RARRES1: variants seen among roughly 807,000 people sequenced by gnomAD.
The protein encoded by RARRES1 is retinoic acid receptor responder 1.
In RARRES1, 34 loss-of-function variants were observed where a neutral mutation model predicts 30.6. The observed-to-expected ratio is 1.11, with a 90% CI of 0.84 to 1.48. RARRES1 has a LOEUF of 1.48. Ranked by LOEUF, RARRES1 falls within the 40% of genes most tolerant of loss-of-function variation. The pLI is 0.00. For missense variants in RARRES1, 373 were observed against 386.5 expected (o/e 0.97, Z 0.29); for synonymous variants, 153 against 155.5 (o/e 0.98, Z 0.12).
rs367969956 is a variant in RARRES1 at position 158,713,811 on chromosome 3, G to A, written c.325C>T (p.Arg109Cys). ...CKVHVVFSTE[R>C]YNPESLLQEG... ...TGGCAGCTTACCTCTGGGTTGTAGC[G>A]CTCTGTGCTGAAGACCACGTGAACT... The change falls in exon 2 of 6, where the codon CGC becomes TGC. Residue 109 changes from arginine to cysteine, a missense_variant. Transcript: ENST00000237696. The A allele has an allele frequency of 2.2e-5, 35 of 1,613,752 alleles. No individual in the cohort carries two copies. The highest frequency in any genetic ancestry group is 1.7e-4 in the African/African-American group (13 of 74,896).
chr3:158,709,512 A>G (rs912666497), intron 3 of RARRES1, among the ~76,000 whole-genome samples: 5 of 152,212 alleles, frequency 3.3e-5, no homozygotes, highest in African/African-American at 1.2e-4. Flanking sequence ...TTGTCAGAGA[A>G]CTATCATGTG....
At chr3:158,728,662 T>C in intron 1 of RARRES1, among the ~76,000 whole-genome samples, 1 of 151,998 alleles carries the variant, frequency 6.6e-6, no homozygotes. Context: ...TAGCTGGGAT[T>C]ATAGACACGC....
intron 1 of RARRES1, among the ~76,000 whole-genome samples, chr3:158,725,950 T>G (rs749318388): frequency 1.3e-5 from 2 of 152,224 alleles, no homozygotes; most frequent in African/African-American, 4.8e-5. Context: ...AGAATTGTTA[T>G]GTTTCATCCT....
intron 4 of RARRES1, among the ~76,000 whole-genome samples, chr3:158,704,032 C>A (rs1268071314): frequency 6.6e-6 from 1 of 151,942 alleles, no homozygotes; most frequent in East Asian, 1.9e-4. Context: ...AAAACTGTGT[C>A]CTTCTAGTTA....
chr3:158,700,732 C>T (rs1302031872), intron 4 of RARRES1, among the ~76,000 whole-genome samples: 1 of 152,178 alleles, frequency 6.6e-6, no homozygotes, highest in Non-Finnish European at 1.5e-5. Flanking sequence ...ATCTTTTTGG[C>T]TTCAATTCAG....
intron 1 of RARRES1, 133 bp downstream of exon 1, chr3:158,732,007 C>G: frequency 1.1e-6 from 1 of 947,768 alleles, no homozygotes; most frequent in Non-Finnish European, 1.4e-6. Context: ...GGGATCTCCC[C>G]GGGCGTCGTG....
At chr3:158,713,676 ACAGAT>A in intron 2 of RARRES1, 116 bp downstream of exon 2, 1 of 932,770 alleles carries the variant, frequency 1.1e-6, no homozygotes, top group Non-Finnish European at 1.6e-6. Context: ...CAAATAGGAA[ACAGAT>A]CAGGAAAAAA....
intron 1 of RARRES1, among the ~76,000 whole-genome samples, chr3:158,718,151 T>C (rs113804726): frequency 7.2e-5 from 11 of 152,160 alleles, no homozygotes; most frequent in African/African-American, 2.4e-4. Context: ...GCTAATTTTT[T>C]GTATTTTTAG....
intron 3 of RARRES1, among the ~76,000 whole-genome samples, 191 bp from the exon 4 acceptor site, chr3:158,705,118 C>A (rs147477011): frequency 6.2e-4 from 95 of 152,264 alleles, no homozygotes; most frequent in African/African-American, 2.2e-3. Context: ...CTTCAACTTG[C>A]CAAACTGAGT....
intron 1 of RARRES1, among the ~76,000 whole-genome samples, chr3:158,721,652 T>C (rs138830852): frequency 7.4e-4 from 113 of 152,326 alleles, no homozygotes; most frequent in African/African-American, 2.7e-3. Context: ...GAGTGTTCTT[T>C]CAAAGTGTGG....
intron 1 of RARRES1, among the ~76,000 whole-genome samples, chr3:158,730,329 A>C (rs1294109278): frequency 2.1e-5 from 3 of 146,194 alleles, no homozygotes; most frequent in African/African-American, 7.7e-5. Flanking sequence ...CAAAAAAAAA[A>C]AAAAAAAAAC....
chr3:158,704,152 C>T (rs1726829330), intron 4 of RARRES1, among the ~76,000 whole-genome samples: 1 of 151,794 alleles, frequency 6.6e-6, no homozygotes, highest in Non-Finnish European at 1.5e-5. Context: ...TCTCTCCAGC[C>T]CCATTGCCAC....
intron 1 of RARRES1, among the ~76,000 whole-genome samples, chr3:158,731,564 A>G (rs767579561): frequency 3.0e-4 from 45 of 152,246 alleles, no homozygotes; most frequent in Admixed American, 5.9e-4. Flanking sequence ...AGATCAAATC[A>G]GACGCCAGCA....
At position 158,728,032 on chromosome 3, in the gene RARRES1, C is replaced by T. The variant is rs1036185789; in HGVS notation, c.276+4108G>A. Among the ~76,000 whole-genome samples, 6 of 152,312 alleles carry T rather than the reference C, an allele frequency of 3.9e-5. No homozygotes were observed. The South Asian group carries it at 1.2e-3, about 32-fold the overall frequency. ...AAAGAATTTCAGCGCGAGAAGAGGT[C>T]TTAAACATCATTTAGTCTAAAGGCT... On this transcript the variant is annotated intron_variant, in intron 1 of 5. Coordinates refer to ENST00000237696, the MANE Select transcript of RARRES1 (RefSeq NM_206963.2).
chr3:158,699,463 C>A (rs996145106), intron 4 of RARRES1, among the ~76,000 whole-genome samples: 1 of 144,568 alleles, frequency 6.9e-6, no homozygotes, highest in Admixed American at 6.9e-5. Context: ...AGTTTAGACT[C>A]CCCTTTGCCT....
rs1559866345 is a variant in RARRES1, at chr3:158,697,793, TACCAG to T, written c.765_769del (p.Trp256ProfsTer6). ...CTTCACTTTAAGAGGTTTGCCAGGG[TACCAG>T]ACCAAGTGAATGCGACAGGGAATTA... On this transcript the variant is annotated frameshift_variant, in exon 6 of 6. Coordinates refer to ENST00000237696, the MANE Select transcript of RARRES1 (RefSeq NM_206963.2). LOFTEE classifies it high-confidence loss of function. The T allele has an allele frequency of 6.2e-7, 1 of 1,611,456 alleles. No homozygotes were observed. Among genetic ancestry groups the T allele is most frequent in the Non-Finnish European group, 8.5e-7 (1 of 1,177,696 alleles).
intron 3 of RARRES1, among the ~76,000 whole-genome samples, chr3:158,710,203 GGAGT>G (rs1415148280): frequency 7.0e-6 from 1 of 142,852 alleles, no homozygotes; most frequent in African/African-American, 2.8e-5. Flanking sequence ...TGGAAAATGA[GGAGT>G]TTTTTTTTTT....
intron 3 of RARRES1, among the ~76,000 whole-genome samples, chr3:158,709,246 A>C (rs562934431): frequency 1.3e-5 from 2 of 152,226 alleles, no homozygotes; most frequent in Non-Finnish European, 2.9e-5. Context: ...ACTATTAAAG[A>C]GTGTCTAAAG....
intron 1 of RARRES1, among the ~76,000 whole-genome samples, chr3:158,719,956 G>A (rs1727450272): frequency 1.3e-5 from 2 of 152,140 alleles, no homozygotes; most frequent in Admixed American, 1.3e-4. Context: ...ATTACGTGTT[G>A]TACTCTTACT....
Sources: allele counts gnomAD v4.1 joint callset (sites outside exome capture counted in the v4.1 genomes callset), GRCh38; gene constraint gnomAD v4.1.1; transcripts MANE v1.5; gene names NCBI Gene and HGNC (gene_info 2026-07-23, HGNC 2026-07-21).